RALYL: variants seen among roughly 807,000 people sequenced by gnomAD.
The protein encoded by RALYL is RALY RNA binding protein like.
RALYL carries 29 observed loss-of-function variants against 35.1 expected under a neutral mutation model. That is an observed-to-expected ratio of 0.83 (90% CI 0.61 to 1.13). The LOEUF is 1.13. RALYL is among the 50% of genes most tolerant of loss of function. The pLI, the probability that RALYL is intolerant of heterozygous loss-of-function variation, is 0.00. For synonymous variants in RALYL, 120 were observed against 127.6 expected (o/e 0.94, Z 0.40); for missense variants, 359 against 360.4 (o/e 1.00, Z 0.03).
intron 2 of RALYL, among the ~76,000 whole-genome samples, chr8:84,759,441 A>C (rs1435605254): frequency 6.6e-6 from 1 of 152,180 alleles, no homozygotes; most frequent in Non-Finnish European, 1.5e-5. Flanking sequence ...AACCCAGGTA[A>C]CAAACTGCCT....
chr8:84,894,931 C>A (rs1411307455), intron 8 of RALYL, among the ~76,000 whole-genome samples: 3 of 152,186 alleles, frequency 2.0e-5, no homozygotes, highest in African/African-American at 4.8e-5. Context: ...AGTCCCATGA[C>A]TTTGAGCAAG....
intron 2 of RALYL, among the ~76,000 whole-genome samples, chr8:84,759,879 A>G (rs1158931125): frequency 1.3e-5 from 2 of 152,136 alleles, no homozygotes; most frequent in African/African-American, 4.8e-5. Flanking sequence ...GGTTACTGAT[A>G]AACAATATCT....
At chr8:84,479,187 A>AATCCTTTT (rs1175972953) in intron 1 of RALYL, among the ~76,000 whole-genome samples, 1 of 149,768 alleles carries the variant, frequency 6.7e-6, no homozygotes, top group Non-Finnish European at 1.5e-5. Context: ...TTTTGTAGAT[A>AATCCTTTT]ATCCTTTTAT....
At chr8:84,854,298 ATCGTGCCACTGCAC>A (rs1008361196) in intron 5 of RALYL, among the ~76,000 whole-genome samples, 6 of 152,066 alleles carry the variant, frequency 3.9e-5, no homozygotes. Flanking sequence ...GTGAGCCGAG[ATCGTGCCACTGCAC>A]TCCAGCCTGG....
intron 2 of RALYL, among the ~76,000 whole-genome samples, chr8:84,681,487 C>T (rs1369217437): frequency 2.0e-5 from 3 of 152,136 alleles, no homozygotes; most frequent in African/African-American, 7.2e-5. Flanking sequence ...ATGGAATGCC[C>T]TTCCATTTGC....
chr8:84,316,769 G>A (rs764296587), intron 1 of RALYL, among the ~76,000 whole-genome samples: 64 of 152,184 alleles, frequency 4.2e-4, no homozygotes, highest in Non-Finnish European at 7.1e-4. Context: ...TATTCTGACC[G>A]AGTAAGAAAT....
chr8:84,660,951 CAG>C (rs1008410869), intron 2 of RALYL, among the ~76,000 whole-genome samples: 1 of 151,726 alleles, frequency 6.6e-6, no homozygotes, highest in Non-Finnish European at 1.5e-5. Context: ...TTTTTTGAGA[CAG>C]AGTCTTCCTC....
rs1208611957 is a variant in RALYL, at chr8:84,706,012, A to AT, written c.257-68560dup. 19 of 1,534,970 alleles carry AT rather than the reference A, an allele frequency of 1.2e-5. No homozygotes were observed. The East Asian group carries it at 2.0e-4, about 16-fold the overall frequency. On this transcript the variant is annotated intron_variant, in intron 2 of 8. Coordinates refer to ENST00000521268, the MANE Select transcript of RALYL (RefSeq NM_173848.7). Reference sequence around the variant, plus strand: ...AATCAATTACTTCTTAGAAAGTCTAATTTTTTTCAAAATGACCATGTACAA... The same window carrying AT: ...AATCAATTACTTCTTAGAAAGTCTAATTTTTTTTCAAAATGACCATGTACAA...
intron 2 of RALYL, among the ~76,000 whole-genome samples, chr8:84,677,175 C>G (rs1388605340): frequency 6.6e-6 from 1 of 152,148 alleles, no homozygotes; most frequent in Non-Finnish European, 1.5e-5. Flanking sequence ...CAAGGCAGAG[C>G]TATATCTATT....
chr8:84,235,145 A>G (rs1339012977), intron 1 of RALYL, among the ~76,000 whole-genome samples: 2 of 152,206 alleles, frequency 1.3e-5, no homozygotes, highest in Admixed American at 6.5e-5. Context: ...ATATTTTATG[A>G]CAATTGTTAT....
At chr8:84,753,347 T>C (rs1192421462) in intron 2 of RALYL, among the ~76,000 whole-genome samples, 1 of 152,220 alleles carries the variant, frequency 6.6e-6, no homozygotes, top group East Asian at 1.9e-4. Flanking sequence ...GGACTTGCCT[T>C]GTCTCAGATA....
chr8:84,443,967 C>T (rs2048603647), intron 1 of RALYL, among the ~76,000 whole-genome samples: 1 of 151,956 alleles, frequency 6.6e-6, no homozygotes, highest in Non-Finnish European at 1.5e-5. Context: ...TAACTTTTAC[C>T]CAAAGCCAGA....
chr8:84,612,901 T>C (rs1156385554), intron 2 of RALYL, among the ~76,000 whole-genome samples: 1 of 151,712 alleles, frequency 6.6e-6, no homozygotes, highest in Non-Finnish European at 1.5e-5. Context: ...CCACTGCATG[T>C]AAATTGCTTG....
intron 2 of RALYL, among the ~76,000 whole-genome samples, chr8:84,556,892 C>A (rs2061162038): frequency 6.6e-6 from 1 of 152,146 alleles, no homozygotes; most frequent in African/African-American, 2.4e-5. Context: ...CTCAGCAGAA[C>A]TGTCACAGGG....
intron 2 of RALYL, among the ~76,000 whole-genome samples, chr8:84,537,264 G>A (rs1316271734): frequency 6.6e-6 from 1 of 151,520 alleles, no homozygotes; most frequent in Non-Finnish European, 1.5e-5. Flanking sequence ...GAGCCCAGCA[G>A]TTTCAGACCT....
At chr8:84,804,034 TGC>T (rs1242243911) in intron 3 of RALYL, among the ~76,000 whole-genome samples, 2 of 152,200 alleles carry the variant, frequency 1.3e-5, no homozygotes, top group East Asian at 3.8e-4. Flanking sequence ...TAGAAGTGGA[TGC>T]TTTCCTGATT....
chr8:84,234,271 T>A (rs1825999881), intron 1 of RALYL, among the ~76,000 whole-genome samples: 1 of 152,214 alleles, frequency 6.6e-6, no homozygotes, highest in Admixed American at 6.5e-5. Context: ...ATTTGTTCAT[T>A]TGTCTTTTGA....
At chr8:84,670,743 C>T (rs780727679) in intron 2 of RALYL, among the ~76,000 whole-genome samples, 2 of 152,152 alleles carry the variant, frequency 1.3e-5, no homozygotes, top group Non-Finnish European at 2.9e-5. Flanking sequence ...ATTCAATTGC[C>T]TCCCACCAGG....
rs543971422 is a variant in RALYL, at chr8:84,543,510, A to T, written c.256+13933A>T. ...TCTATGGAAATAAAAAAAATAAAAA[A>T]AAACAACTTAGTAAAGTGGTTTCCT... is the stretch of plus-strand genomic sequence containing the variant. On this transcript the variant is annotated intron_variant, in intron 2 of 8. Coordinates refer to ENST00000521268, the MANE Select transcript of RALYL (RefSeq NM_173848.7). Among the ~76,000 whole-genome samples the T allele has an allele frequency of 4.3e-3, 655 of 152,172 alleles. 6 individuals are homozygous for T. Among genetic ancestry groups the T allele is most frequent in the African/African-American group, 0.015 (619 of 41,560 alleles).
Sources: allele counts gnomAD v4.1 joint callset (sites outside exome capture counted in the v4.1 genomes callset), GRCh38; gene constraint gnomAD v4.1.1; transcripts MANE v1.5; gene names NCBI Gene and HGNC (gene_info 2026-07-23, HGNC 2026-07-21).